The following XAGE5 variants were observed in gnomAD, a reference collection of about 807,000 sequenced individuals.
The protein encoded by XAGE5 is G antigen, family D, 5.
XAGE5 carries 13 observed loss-of-function variants against 13.1 expected under a neutral mutation model. The observed-to-expected ratio is 0.99, with a 90% CI of 0.64 to 1.57. XAGE5 has a LOEUF of 1.57. Among genes scored for constraint, XAGE5 ranks in the 40% most tolerant of loss-of-function variants. The pLI, the probability that XAGE5 is intolerant of heterozygous loss-of-function variation, is 0.00. For missense variants in XAGE5, 86 were observed against 77.6 expected, an observed-to-expected ratio of 1.11 and a Z score of -0.41; for synonymous variants, 17 against 25.0, an observed-to-expected ratio of 0.68 and a Z score of 0.96.
At position 52,811,532 on chromosome X, in the gene XAGE5, C is replaced by T. The variant is rs1455533496; in HGVS notation, c.-180-16C>T. Reference sequence around the variant, plus strand: ...TCTCGTGCGGCCCCGCAGCTATGGGCCTTCTTGTCTTGTAGGGGTCAGGAC... The same window carrying T: ...TCTCGTGCGGCCCCGCAGCTATGGGTCTTCTTGTCTTGTAGGGGTCAGGAC... On this transcript the variant is annotated splice_polypyrimidine_tract_variant and intron_variant, in intron 1 of 5. Coordinates refer to ENST00000375501, the MANE Select transcript of XAGE5 (RefSeq NM_001386970.1). 5.4e-5 allele frequency among the ~76,000 whole-genome samples: 6 copies of T among 111,181 alleles called. No homozygotes were observed. The highest frequency in any genetic ancestry group is 1.6e-4 in the African/African-American group (5 of 30,502).
intron 2 of XAGE5, among the ~76,000 whole-genome samples, chrX:52,811,965 A>T (rs1926805939): frequency 9.0e-6 from 1 of 111,077 alleles, no homozygotes; most frequent in Non-Finnish European, 1.9e-5. Context: ...TTTAATTTTA[A>T]TTCTCAAGCT....
At chrX:52,811,911 G>A (rs1556777386) in intron 2 of XAGE5, among the ~76,000 whole-genome samples, 192 bp downstream of exon 2, 1 of 111,146 alleles carries the variant, frequency 9.0e-6, no homozygotes, top group Non-Finnish European at 1.9e-5. Flanking sequence ...TTTTAGGGGG[G>A]AAACGGGCCT....
In XAGE5 at chrX:52,818,219, G is replaced by A. The variant is rs1556778286; in HGVS notation, c.*6G>A. On this transcript the variant is annotated 3_prime_UTR_variant, in exon 6 of 6. Transcript: ENST00000375501. ...AAGGGAAACCACAGCTTTAAACGAA[G>A]ACAACCAAAAGAATGCAAACTGGAT... 8.3e-7 allele frequency: 1 copy of A among 1,209,682 alleles called. No individual in the cohort carries two copies. The highest frequency in any genetic ancestry group is 1.1e-6 in the Non-Finnish European group (1 of 894,790).
At chrX:52,814,930 A>G in intron 4 of XAGE5, 162 bp from the exon 5 acceptor site, 1 of 553,816 alleles carries the variant, frequency 1.8e-6, no homozygotes, top group Middle Eastern at 5.9e-4. Flanking sequence ...TTATCCTCAG[A>G]TTGTCATTTA....
chrX:52,813,140 G>A lies in XAGE5; in HGVS notation c.73G>A (p.Glu25Lys), dbSNP rs1266120333. ...ACCACCACCCCCGCCCTTGTCCCAG[G>A]AGCCCAGTGTGCCAGAGCCTCAACA... ...RLAQLVGPML[E>K]PSVPEPQQEE... is the part of the protein sequence containing the mutation. The change falls in exon 4 of 6, where the codon GAG becomes AAG. Residue 25 changes from glutamate (E) to lysine (K), a missense_variant and splice_region_variant. Physicochemically the swap from Glu to Lys is moderately conservative, Grantham distance 56. Transcript: ENST00000375501. 1 of 1,208,093 alleles carries A rather than the reference G, an allele frequency of 8.3e-7. No homozygotes were observed. The highest frequency in any genetic ancestry group is 1.8e-5 in the African/African-American group (1 of 56,722).
chrX:52,816,992 G>T (rs1285205833), intron 5 of XAGE5, among the ~76,000 whole-genome samples: 2 of 111,717 alleles, frequency 1.8e-5, no homozygotes, highest in East Asian at 5.6e-4. Context: ...TAATCCAAAA[G>T]TAATACATTT....
At chrX:52,818,056 C>G in intron 5 of XAGE5, 135 bp from the exon 6 acceptor site, 1 of 716,307 alleles carries the variant, frequency 1.4e-6, no homozygotes, top group South Asian at 2.8e-5. Context: ...TGAATATTAG[C>G]CGTAGGGAGA....
chrX:52,814,597 G>A (rs1556777829), intron 4 of XAGE5, among the ~76,000 whole-genome samples: 1 of 111,668 alleles, frequency 9.0e-6, no homozygotes, highest in Admixed American at 9.5e-5. Context: ...TACTCTCACT[G>A]GAAGACAGTG....
rs1556778272 is a variant in XAGE5 at position 52,818,185 on chromosome X, T to C, written c.305-6T>C. ...AATGTTCCCTCCTGTTATGTTTCTATTGCAGGGGAAGGGAAACCACAGCTT... is the reference window on the plus strand; with the variant it reads ...AATGTTCCCTCCTGTTATGTTTCTACTGCAGGGGAAGGGAAACCACAGCTT... On this transcript the variant is annotated splice_region_variant and splice_polypyrimidine_tract_variant and intron_variant, in intron 5 of 5. Coordinates refer to ENST00000375501, the MANE Select transcript of XAGE5 (RefSeq NM_001386970.1). The C allele has an allele frequency of 5.0e-6, 6 of 1,211,398 alleles. No individual in the cohort carries two copies. The highest frequency in any genetic ancestry group is 1.8e-5 in the South Asian group (1 of 56,937).
intron 5 of XAGE5, among the ~76,000 whole-genome samples, chrX:52,815,628 A>T (rs782812288): frequency 1.1e-4 from 13 of 113,050 alleles, no homozygotes; most frequent in African/African-American, 2.9e-4. Flanking sequence ...ACATAAATCC[A>T]ACACCCATTT....
At chrX:52,817,517 A>G (rs1423409426) in intron 5 of XAGE5, among the ~76,000 whole-genome samples, 3 of 112,250 alleles carry the variant, frequency 2.7e-5, no homozygotes, top group African/African-American at 9.7e-5. Context: ...CATTATTCAT[A>G]TTGACATGAG....
At chrX:52,813,094 T>A in intron 3 of XAGE5, 46 bp from the exon 4 acceptor site, 1 of 1,127,140 alleles carries the variant, frequency 8.9e-7, no homozygotes, top group Non-Finnish European at 1.2e-6. Flanking sequence ...TAAGAAAAAT[T>A]TTTTATCTCC....
chrX:52,812,003 G>C (rs1396379882), intron 2 of XAGE5, among the ~76,000 whole-genome samples: 2 of 111,364 alleles, frequency 1.8e-5, no homozygotes, highest in African/African-American at 6.5e-5. Flanking sequence ...TCACGATGGA[G>C]AGTCCAATTG....
chrX:52,817,832 A>G (rs1270931230), intron 5 of XAGE5, among the ~76,000 whole-genome samples: 1 of 111,142 alleles, frequency 9.0e-6, no homozygotes, highest in Non-Finnish European at 1.9e-5. Flanking sequence ...TCTGTTTCTT[A>G]GGTTTTTTGT....
At chrX:52,817,967 A>C (rs150109854) in intron 5 of XAGE5, among the ~76,000 whole-genome samples, 1 of 111,935 alleles carries the variant, frequency 8.9e-6, no homozygotes, top group Admixed American at 9.5e-5. Context: ...TTCTAGCACT[A>C]AAAGCAGGGT....
intron 5 of XAGE5, among the ~76,000 whole-genome samples, chrX:52,815,901 C>A (rs1926897449): frequency 8.9e-6 from 1 of 111,797 alleles, no homozygotes; most frequent in Non-Finnish European, 1.9e-5. Context: ...TTGTCAAATC[C>A]TGAATTCTCT....
At chrX:52,818,162 T>C (rs782373315) in intron 5 of XAGE5, 29 bp from the exon 6 acceptor site, 2 of 1,209,439 alleles carry the variant, frequency 1.7e-6, no homozygotes, top group South Asian at 3.5e-5. Flanking sequence ...CTGCTAGTAA[T>C]GTTCCCTCCT....
At chrX:52,812,776 A>C in intron 3 of XAGE5, 138 bp downstream of exon 3, 2 of 587,435 alleles carry the variant, frequency 3.4e-6, no homozygotes, top group South Asian at 6.1e-5. Context: ...TGAAGGAAAG[A>C]GTAACCCAAG....
intron 2 of XAGE5, 32 bp from the exon 3 acceptor site, chrX:52,812,527 G>A (rs1471775028): frequency 1.7e-6 from 2 of 1,181,349 alleles, no homozygotes; most frequent in East Asian, 3.0e-5. Flanking sequence ...ATCCCCCTCA[G>A]CCTCCCAAAG....
Sources: gnomAD v4.1 joint callset for allele counts (sites outside exome capture counted in the v4.1 genomes callset) on GRCh38, gnomAD v4.1.1 for gene constraint, MANE v1.5 for transcripts, NCBI Gene and HGNC (gene_info 2026-07-23, HGNC 2026-07-21) for gene names.